The following DCDC2 variants were observed in gnomAD, a reference collection of about 807,000 sequenced individuals.
DCDC2 encodes the protein doublecortin domain containing 2.
Under a neutral mutation model 50.2 loss-of-function variants are expected in DCDC2, and 40 were observed. The observed-to-expected ratio is 0.80, with a 90% confidence interval of 0.62 to 1.04. DCDC2 has a LOEUF of 1.04. Ranked by LOEUF, DCDC2 falls within the 50% of genes least tolerant of loss-of-function variation. DCDC2 has a pLI of 0.00. For missense variants in DCDC2, 570 were observed against 581.9 expected (o/e 0.98, Z 0.21); for synonymous variants, 234 against 210.6 (o/e 1.11, Z -0.96).
Position 24,301,798 on chromosome 6 carries a change from G to A in DCDC2, c.474C>T (p.Ile158=), listed in dbSNP as rs776489165. The change falls in exon 4 of 10, where the codon ATC becomes ATT. Residue 158 remains isoleucine (I), a synonymous_variant. Transcript: ENST00000378454. The part of the protein sequence containing the change: ...DLINPASRLL[I]PRKTLNQWDH... ...CCCACTGATTCAAGGTTTTTCTGGG[G>A]ATAAGGAGGCGAGAAGCTGGGTTTA... 6.2e-7 allele frequency: 1 copy of A among 1,614,142 alleles called. No individual in the cohort carries two copies. Among genetic ancestry groups the A allele is most frequent in the South Asian group, 1.1e-5 (1 of 91,080 alleles).
At chr6:24,329,837 G>C (rs1296924658) in intron 2 of DCDC2, among the ~76,000 whole-genome samples, 1 of 152,178 alleles carries the variant, frequency 6.6e-6, no homozygotes, top group Non-Finnish European at 1.5e-5. Flanking sequence ...GGCAGGCAGG[G>C]AGAGGCTTGT....
At chr6:24,205,303 C>G (rs971232149) in intron 7 of DCDC2, 1 of 1,541,132 alleles carries the variant, frequency 6.5e-7, no homozygotes, top group Non-Finnish European at 8.8e-7. Flanking sequence ...ATTCAGTGGT[C>G]AAAACAAGGC....
chr6:24,337,113 G>A (rs1028905668), intron 2 of DCDC2, among the ~76,000 whole-genome samples: 10 of 152,024 alleles, frequency 6.6e-5, no homozygotes, highest in African/African-American at 2.4e-4. Context: ...AATGTTACTC[G>A]AAACATCTGG....
intron 7 of DCDC2, among the ~76,000 whole-genome samples, chr6:24,275,866 A>ATTTGTTT (rs528147769): frequency 1.6e-4 from 17 of 108,120 alleles, no homozygotes; most frequent in African/African-American, 5.8e-4. Context: ...CAATAATTCA[A>ATTTGTTT]TTTTTTTTTT....
At chr6:24,249,041 A>G (rs1044960026) in intron 7 of DCDC2, among the ~76,000 whole-genome samples, 1 of 152,204 alleles carries the variant, frequency 6.6e-6, no homozygotes, top group Non-Finnish European at 1.5e-5. Context: ...TCAGGTGACC[A>G]TAATTTCCAA....
rs549523540 is a variant in DCDC2 at position 24,191,151 on chromosome 6, G to A, written c.1024-12519C>T. On this transcript the variant is annotated intron_variant, in intron 8 of 9. Transcript: ENST00000378454. ...TGTTTAGTAAATGCATTTCATTGAA[G>A]TCGATTTGGGGAACCTGTCACAGAA... 1.4e-4 allele frequency among the ~76,000 whole-genome samples: 21 copies of A among 152,310 alleles called. No homozygotes were observed. The South Asian group carries it at 3.9e-3, about 29-fold the overall frequency.
chr6:24,202,203 A>G lies in DCDC2; in HGVS notation c.1023+2799T>C, dbSNP rs576956490. Among the ~76,000 whole-genome samples the G allele has an allele frequency of 9.9e-5, 15 of 152,196 alleles. No homozygotes were observed. The South Asian group carries it at 2.9e-3, about 29-fold the overall frequency. The stretch of plus-strand genomic sequence containing the variant: ...ACAGAAGAACATTTCAGGCCAATAT[A>G]CCTGATGAATATTGACACCAAAATC... On this transcript the variant is annotated intron_variant, in intron 8 of 9. Coordinates refer to ENST00000378454, the MANE Select transcript of DCDC2 (RefSeq NM_016356.5).
At chr6:24,292,887 G>A (rs1763781505) in intron 4 of DCDC2, among the ~76,000 whole-genome samples, 1 of 152,202 alleles carries the variant, frequency 6.6e-6, no homozygotes, top group African/African-American at 2.4e-5. Context: ...ACCAAAAATG[G>A]TTTCAGGCAC....
intron 7 of DCDC2, among the ~76,000 whole-genome samples, chr6:24,211,969 G>C (rs1011616754): frequency 1.3e-5 from 2 of 152,188 alleles, no homozygotes; most frequent in African/African-American, 4.8e-5. Flanking sequence ...ACTGGAAGTG[G>C]TCTGTGGCCT....
rs1464711898 is a variant in DCDC2, at chr6:24,302,039, T to C, written c.354A>G (p.Lys118=). ...CGTTGATCCTGCTATGGATTACTGG[T>C]TTTACCTTTAAAAGCAAAGGAAAAA... ...RPMEVVNTEV[K]PVIHSRINVS... Residue 118 remains lysine, a synonymous_variant, in exon 3 of 10, where the codon AAA becomes AAG. Coordinates refer to ENST00000378454, the MANE Select transcript of DCDC2 (RefSeq NM_016356.5). 6.2e-7 allele frequency: 1 copy of C among 1,609,804 alleles called. No individual in the cohort carries two copies. The highest frequency in any genetic ancestry group is 8.5e-7 in the Non-Finnish European group (1 of 1,178,768).
upstream of DCDC2, among the ~76,000 whole-genome samples, chr6:24,358,686 A>ACT (rs1338224060): frequency 1.5e-5 from 1 of 64,968 alleles, no homozygotes; most frequent in South Asian, 6.1e-4. Flanking sequence ...TGTCTTAGAA[A>ACT]ATAAAATATA....
intron 5 of DCDC2, among the ~76,000 whole-genome samples, chr6:24,289,988 T>C (rs1324502970): frequency 0.028 from 2,067 of 74,220 alleles, 143 homozygotes; most frequent in African/African-American, 0.1. Flanking sequence ...TTTTTTTTTT[T>C]TTTTTTTTTT....
At chr6:24,378,637 C>T in the DCDC2 span, among the ~76,000 whole-genome samples, 2,214 of 152,192 alleles carry the variant, frequency 0.015, 29 homozygotes, top group African/African-American at 0.041. Context: ...CAAATCCTTG[C>T]CTCAAGATCT....
At chr6:24,306,494 T>TTAGATAGATAGATAGA (rs28987368) in intron 2 of DCDC2, among the ~76,000 whole-genome samples, 10 of 129,472 alleles carry the variant, frequency 7.7e-5, no homozygotes, top group Admixed American at 2.5e-4. Context: ...TGAGTGGAGA[T>TTAGATAGATAGATAGA]TAGATAGATA....
At chr6:24,182,405 T>A (rs998114339) in intron 8 of DCDC2, among the ~76,000 whole-genome samples, 3 of 152,004 alleles carry the variant, frequency 2.0e-5, no homozygotes, top group African/African-American at 7.2e-5. Context: ...TTGCAAATCA[T>A]TTATCTGATA....
At chr6:24,227,099 G>A (rs1032031988) in intron 7 of DCDC2, among the ~76,000 whole-genome samples, 1 of 152,174 alleles carries the variant, frequency 6.6e-6, no homozygotes, top group South Asian at 2.1e-4. Context: ...AGATGGAAAA[G>A]CAGCAGACGG....
intron 2 of DCDC2, among the ~76,000 whole-genome samples, chr6:24,334,652 G>C (rs760522270): frequency 3.5e-4 from 53 of 152,190 alleles, no homozygotes; most frequent in Admixed American, 2.1e-3. Flanking sequence ...AGAAATTGTG[G>C]AGTAGCTTTG....
chr6:24,346,678 C>T (rs903473838), intron 2 of DCDC2, among the ~76,000 whole-genome samples: 22 of 150,112 alleles, frequency 1.5e-4, no homozygotes, highest in Non-Finnish European at 1.3e-4. Context: ...CGCTTGAACG[C>T]GGGAGGTAGA....
chr6:24,346,669 G>A (rs72833033), intron 2 of DCDC2, among the ~76,000 whole-genome samples: 4,470 of 151,728 alleles, frequency 0.029, 87 homozygotes, highest in Middle Eastern at 0.051. Flanking sequence ...ATGGAGAATC[G>A]CTTGAACGCG....
Sources: allele counts gnomAD v4.1 joint callset (sites outside exome capture counted in the v4.1 genomes callset), GRCh38; gene constraint gnomAD v4.1.1; transcripts MANE v1.5; gene names NCBI Gene and HGNC (gene_info 2026-07-23, HGNC 2026-07-21).